The following CCDC180 variants were observed in gnomAD, a reference collection of about 807,000 sequenced individuals.
CCDC180 encodes the protein coiled-coil domain-containing protein 180.
Under a neutral mutation model 209.2 loss-of-function variants are expected in CCDC180, and 154 were observed. The observed-to-expected ratio is 0.74, with a 90% confidence interval of 0.65 to 0.84. CCDC180 has a LOEUF of 0.84. Ranked by LOEUF, CCDC180 falls within the 40% of genes least tolerant of loss-of-function variation. The probability of loss-of-function intolerance (pLI) is 0.00; values close to 1 mark genes in which losing one functional copy is unlikely to be tolerated. For missense variants in CCDC180, 1,874 were observed against 1,997.3 expected, an observed-to-expected ratio of 0.94 and a Z score of 1.18; for synonymous variants, 778 against 749.1, an observed-to-expected ratio of 1.04 and a Z score of -0.63.
intron 2 of CCDC180, among the ~76,000 whole-genome samples, chr9:97,309,198 T>G (rs1587774598): frequency 6.6e-6 from 1 of 152,344 alleles, no homozygotes; most frequent in East Asian, 1.9e-4. Context: ...TCATTTAAGG[T>G]TCTTAGAAAG....
intron 13 of CCDC180, 152 bp downstream of exon 13, chr9:97,324,055 C>A (rs1246014551): frequency 1.3e-5 from 11 of 866,824 alleles, no homozygotes; most frequent in Non-Finnish European, 1.9e-5. Flanking sequence ...AGCCCCCTTA[C>A]GCTGGCCACT....
At position 97,343,476 on chromosome 9, in the gene CCDC180, C is replaced by T; in HGVS notation, c.2411C>T (p.Ser804Leu). The change falls in exon 19 of 37, where the codon TCA becomes TTA. Residue 804 changes from serine (S) to leucine (L), a missense_variant. Transcript: ENST00000529487. ...EHCRKSHSTF[S>L]AMFINDTSSA... ...TGTAGGAAGTCCCATTCCACCTTCTCAGCCATGTTCATCAACGACACTTCC... is the reference window on the plus strand; with the variant it reads ...TGTAGGAAGTCCCATTCCACCTTCTTAGCCATGTTCATCAACGACACTTCC... 6.2e-7 allele frequency: 1 copy of T among 1,614,146 alleles called. No homozygotes were observed. The highest frequency in any genetic ancestry group is 1.1e-5 in the South Asian group (1 of 91,076).
chr9:97,334,334 G>T, intron 18 of CCDC180, among the ~76,000 whole-genome samples: 1 of 152,162 alleles, frequency 6.6e-6, no homozygotes, highest in Non-Finnish European at 1.5e-5. Context: ...GCATTTTGTG[G>T]ACTTTACATG....
chr9:97,352,981 A>G (rs749699539), intron 22 of CCDC180, among the ~76,000 whole-genome samples: 5 of 151,058 alleles, frequency 3.3e-5, no homozygotes, highest in African/African-American at 4.9e-5. Flanking sequence ...ATATACATAT[A>G]TATATATACA....
rs1251594259 is a variant in CCDC180, at chr9:97,365,684, G to A, written c.3992G>A (p.Gly1331Glu). Residue 1331 changes from glycine to glutamate, a missense_variant, in exon 30 of 37, where the codon GGG becomes GAG. Physicochemically the swap from Gly to Glu is moderately conservative, Grantham distance 98 (BLOSUM62 -2). Transcript: ENST00000529487. The stretch of plus-strand genomic sequence containing the variant: ...CGTGTGTGTTGCAGGGATTTTAAGG[G>A]GATCATCTTGACCCTCCTCTGGGAG... ...KPPPAAEDFK[G>E]IILTLLWESS... 1 of 1,614,080 alleles carries A rather than the reference G, an allele frequency of 6.2e-7. No homozygotes were observed. Among genetic ancestry groups the A allele is most frequent in the African/African-American group, 1.3e-5 (1 of 75,030 alleles).
At chr9:97,323,469 T>C (rs1316989173) in intron 12 of CCDC180, among the ~76,000 whole-genome samples, 1 of 152,216 alleles carries the variant, frequency 6.6e-6, no homozygotes, top group Non-Finnish European at 1.5e-5. Flanking sequence ...AGGGGAACTA[T>C]TGAGTCAGAA....
intron 4 of CCDC180, among the ~76,000 whole-genome samples, chr9:97,313,027 G>A (rs1217808575): frequency 6.6e-6 from 1 of 151,966 alleles, no homozygotes; most frequent in African/African-American, 2.4e-5. Flanking sequence ...AACTTTTTCA[G>A]CTCTTAACTG....
chr9:97,311,973 C>T (rs904513289), intron 3 of CCDC180, 140 bp from the exon 4 acceptor site: 8 of 706,696 alleles, frequency 1.1e-5, no homozygotes, highest in Non-Finnish European at 2.0e-5. Context: ...CCTCAGGGCT[C>T]TCTGGAATTG....
chr9:97,325,902 A>C (rs181687061), intron 14 of CCDC180, among the ~76,000 whole-genome samples: 2 of 152,306 alleles, frequency 1.3e-5, no homozygotes, highest in African/African-American at 4.8e-5. Context: ...CCAGTAGTTA[A>C]GGTTAACTCA....
At chr9:97,375,335 G>C (rs1039236580) in intron 35 of CCDC180, 119 bp from the exon 36 acceptor site, 2 of 1,331,298 alleles carry the variant, frequency 1.5e-6, no homozygotes, top group African/African-American at 3.0e-5. Context: ...TTTTCATTAA[G>C]ATATTTAAAG....
At chr9:97,323,389 A>G (rs1173464216) in intron 12 of CCDC180, among the ~76,000 whole-genome samples, 3 of 152,130 alleles carry the variant, frequency 2.0e-5, no homozygotes, top group Non-Finnish European at 4.4e-5. Context: ...CACCCTGCCC[A>G]CTGCATAACA....
chr9:97,313,463 C>T lies in CCDC180; in HGVS notation c.459+118C>T. The stretch of plus-strand genomic sequence containing the variant: ...GAGAGGTCCTCAGGGGCTCACAGAG[C>T]CTTAGACGACATGGAACCCTCTCTG... On this transcript the variant is annotated intron_variant, in intron 5 of 36. Transcript: ENST00000529487. 3 of 643,632 alleles carry T rather than the reference C, an allele frequency of 4.7e-6. No individual in the cohort carries two copies. The South Asian group carries it at 5.2e-5, about 11-fold the overall frequency. 39.9% of individuals were successfully genotyped at this position (643,632 alleles called of 1,614,324 possible). A position where few individuals can be genotyped will look rare whatever the true frequency, so the allele number is the denominator to read the frequency against.
In CCDC180 at chr9:97,312,205, A is replaced by AT; in HGVS notation, c.349+4_349+5insT. 6.2e-7 allele frequency: 1 copy of AT among 1,613,126 alleles called. No individual in the cohort carries two copies. On this transcript the variant is annotated splice_donor_region_variant and intron_variant, in intron 4 of 36. Coordinates refer to ENST00000529487, the MANE Select transcript of CCDC180 (RefSeq NM_020893.6). ...CGGGGTCTCATGGATACTATAGGTG[A>AT]GCCTCCATTCAGCCTCAAGGCAGGC...
At chr9:97,325,569 T>C (rs936396214) in intron 14 of CCDC180, among the ~76,000 whole-genome samples, 9 of 152,152 alleles carry the variant, frequency 5.9e-5, no homozygotes, top group African/African-American at 2.2e-4. Context: ...TTTAGGCACA[T>C]TGTGAGCTGC....
chr9:97,346,406 G>A (rs1011910224), intron 19 of CCDC180, among the ~76,000 whole-genome samples: 2 of 152,232 alleles, frequency 1.3e-5, no homozygotes, highest in South Asian at 2.1e-4. Context: ...CATCTTAACA[G>A]TACATGGCCA....
Position 97,345,683 on chromosome 9 carries a change from G to A in CCDC180, c.2499-1631G>A, listed in dbSNP as rs760942994. The A allele has an allele frequency of 6.5e-5, 24 of 370,360 alleles. 1 individual carries two copies. Among genetic ancestry groups the A allele is most frequent in the South Asian group, 4.3e-4 (21 of 48,988 alleles). The allele number at this position is 370,360 out of a possible 1,614,324, so 22.9% of individuals were successfully genotyped here. Reference sequence around the variant, plus strand: ...GGAGAATCGCCTGAACCCAGGAGGCGGAGGTTACAGTGAACCAAGAGAGTG... The same window carrying A: ...GGAGAATCGCCTGAACCCAGGAGGCAGAGGTTACAGTGAACCAAGAGAGTG... On this transcript the variant is annotated intron_variant, in intron 19 of 36. Coordinates refer to ENST00000529487, the MANE Select transcript of CCDC180 (RefSeq NM_020893.6).
chr9:97,369,711 G>A (rs993368732), intron 31 of CCDC180: 1 of 476,162 alleles, frequency 2.1e-6, no homozygotes, highest in Non-Finnish European at 3.7e-6. Flanking sequence ...AAAGTGCTGG[G>A]ATTACAGGTG....
At chr9:97,348,633 C>G (rs188072683) in intron 20 of CCDC180, among the ~76,000 whole-genome samples, 6 of 152,082 alleles carry the variant, frequency 3.9e-5, no homozygotes, top group Non-Finnish European at 8.8e-5. Context: ...TTTAAAGGCC[C>G]ATGATGGAGC....
At chr9:97,360,777 G>A (rs981990664) in intron 26 of CCDC180, among the ~76,000 whole-genome samples, 12 of 152,204 alleles carry the variant, frequency 7.9e-5, no homozygotes, top group African/African-American at 2.4e-4. Context: ...TCTCCATTTC[G>A]GTTGCTGTCT....
Sources: allele counts gnomAD v4.1 joint callset (sites outside exome capture counted in the v4.1 genomes callset), GRCh38; gene constraint gnomAD v4.1.1; transcripts MANE v1.5; gene names NCBI Gene and HGNC (gene_info 2026-07-23, HGNC 2026-07-21).